The following DCX variants were observed in gnomAD, a reference collection of about 807,000 sequenced individuals.
DCX encodes the protein doublecortin.
A neutral mutation model predicts 20.9 loss-of-function variants in DCX; 4 were observed. The observed-to-expected ratio is 0.19, with a 90% CI of 0.09 to 0.44. The LOEUF (loss-of-function observed/expected upper bound fraction) is 0.44. Ranked by LOEUF, DCX falls within the 20% of genes least tolerant of loss-of-function variation. The pLI is 0.99. For synonymous variants in DCX, 103 were observed against 111.4 expected (o/e 0.92, Z 0.47); for missense variants, 133 against 296.9 (o/e 0.45, Z 4.06).
At chrX:111,370,193 C>G (rs889701111) in intron 3 of DCX, among the ~76,000 whole-genome samples, 1 of 111,659 alleles carries the variant, frequency 9.0e-6, no homozygotes, top group African/African-American at 3.3e-5. Flanking sequence ...TTACAAGAAA[C>G]ACATTAATAT....
chrX:111,331,614 T>TG (rs1921254217), intron 4 of DCX, among the ~76,000 whole-genome samples: 1 of 112,117 alleles, frequency 8.9e-6, no homozygotes, highest in Admixed American at 9.4e-5. Flanking sequence ...CCATCCCTTA[T>TG]GGGGGGTTAA....
At chrX:111,387,618 C>T in intron 3 of DCX, among the ~76,000 whole-genome samples, 1 of 112,176 alleles carries the variant, frequency 8.9e-6, no homozygotes, top group Non-Finnish European at 1.9e-5. Context: ...ATTAAATAAA[C>T]TGTGGAGGCA....
chrX:111,404,625 G>A (rs1928070611), intron 2 of DCX, among the ~76,000 whole-genome samples: 1 of 111,875 alleles, frequency 8.9e-6, no homozygotes, highest in African/African-American at 3.2e-5. Context: ...TAATGCACTA[G>A]GTGACACCTG....
intron 5 of DCX, among the ~76,000 whole-genome samples, chrX:111,325,190 C>T (rs2095096746): frequency 9.0e-6 from 1 of 111,325 alleles, no homozygotes; most frequent in East Asian, 2.8e-4. Context: ...AAGGAAATGA[C>T]ACAGACACCA....
chrX:111,363,934 G>C (rs773582121), intron 3 of DCX, among the ~76,000 whole-genome samples: 2 of 111,732 alleles, frequency 1.8e-5, no homozygotes, highest in Non-Finnish European at 3.8e-5. Flanking sequence ...TGCCTTTCAT[G>C]GTCCTTTATG....
At chrX:111,408,555 C>A (rs1302387200) in intron 2 of DCX, among the ~76,000 whole-genome samples, 1 of 107,269 alleles carries the variant, frequency 9.3e-6, no homozygotes, top group African/African-American at 3.4e-5. Context: ...GAGCCAAGAT[C>A]ATGCCATTGC....
intron 5 of DCX, among the ~76,000 whole-genome samples, chrX:111,317,348 G>A (rs1489460076): frequency 9.0e-6 from 1 of 111,347 alleles, no homozygotes; most frequent in Non-Finnish European, 1.9e-5. Context: ...TTTAATAAAT[G>A]GTGCTAGGAT....
At chrX:111,304,339 A>C (rs1272813452) in intron 6 of DCX, among the ~76,000 whole-genome samples, 1 of 112,400 alleles carries the variant, frequency 8.9e-6, no homozygotes, top group African/African-American at 3.2e-5. Context: ...AAAATCAACC[A>C]AAAGCTTGCA....
chrX:111,329,226 T>A (rs1459477488), intron 5 of DCX, among the ~76,000 whole-genome samples: 1 of 112,403 alleles, frequency 8.9e-6, no homozygotes, highest in Non-Finnish European at 1.9e-5. Context: ...TATAGATTTA[T>A]GTGCTCTTCT....
chrX:111,389,627 A>G (rs910594209), intron 3 of DCX, among the ~76,000 whole-genome samples: 2 of 111,861 alleles, frequency 1.8e-5, no homozygotes, highest in African/African-American at 6.5e-5. Flanking sequence ...CTAAAGTGGA[A>G]GGATCACTTG....
chrX:111,394,103 T>C (rs1927152859), intron 3 of DCX, among the ~76,000 whole-genome samples: 1 of 112,177 alleles, frequency 8.9e-6, no homozygotes, highest in Admixed American at 9.5e-5. Context: ...TGTCCATTAA[T>C]AGATAAATGA....
chrX:111,410,494 G>A, intron 1 of DCX, 74 bp from the exon 2 acceptor site: 1 of 1,162,912 alleles, frequency 8.6e-7, no homozygotes, highest in Non-Finnish European at 1.2e-6. Context: ...AAAAAAGAAG[G>A]GATTTTAAAT....
chrX:111,315,227 T>A (rs765545660), intron 5 of DCX, among the ~76,000 whole-genome samples: 2 of 102,818 alleles, frequency 1.9e-5, no homozygotes, highest in Admixed American at 1.1e-4. Context: ...CAAACAAATT[T>A]ACAAGAAAAA....
At chrX:111,357,277 C>G (rs769870620) in intron 3 of DCX, among the ~76,000 whole-genome samples, 1 of 111,427 alleles carries the variant, frequency 9.0e-6, no homozygotes, top group Admixed American at 9.5e-5. Context: ...AACTATGTAA[C>G]CTTGGTAAGT....
intron 3 of DCX, among the ~76,000 whole-genome samples, chrX:111,384,315 T>G (rs1273590329): frequency 1.8e-5 from 2 of 111,526 alleles, no homozygotes; most frequent in Admixed American, 1.9e-4. Flanking sequence ...TTTTAGTACT[T>G]ACTAATTATT....
chrX:111,297,349 C>T lies in DCX; in HGVS notation c.*4338G>A, dbSNP rs1273674844. ...AGCTCATTTTGGGGATATAGGCATC[C>T]TGTTCTCTTGTCCTAGGGATATGGA... On this transcript the variant is annotated 3_prime_UTR_variant, in exon 7 of 7. Coordinates refer to ENST00000636035, the MANE Select transcript of DCX (RefSeq NM_001195553.2). 9.0e-6 allele frequency: 1 copy of T among 111,533 alleles called. No homozygotes were observed. The highest frequency in any genetic ancestry group is 1.9e-5 in the Non-Finnish European group (1 of 53,113). 9.2% of individuals were successfully genotyped at this position (111,533 alleles called of 1,213,427 possible). A position where few individuals can be genotyped will look rare whatever the true frequency, so the allele number is the denominator to read the frequency against.
chrX:111,319,456 C>G (rs2095081482), intron 5 of DCX, among the ~76,000 whole-genome samples: 1 of 111,393 alleles, frequency 9.0e-6, no homozygotes, highest in African/African-American at 3.3e-5. Flanking sequence ...ATACAACCAC[C>G]CAAAGAACAT....
rs1469800981 is a variant in DCX, at chrX:111,296,322, C to A, written c.*5365G>T. The A allele has an allele frequency of 8.9e-6, 1 of 112,008 alleles. No homozygotes were observed. Among genetic ancestry groups the A allele is most frequent in the Non-Finnish European group, 1.9e-5 (1 of 53,257 alleles). The allele number at this position is 112,008 out of a possible 1,213,427, so 9.2% of individuals were successfully genotyped here. A position where few individuals can be genotyped will look rare whatever the true frequency, so the allele number is the denominator to read the frequency against. The stretch of plus-strand genomic sequence containing the variant: ...CATCTGACCTCTCCCAACTAACCTG[C>A]CCTTCTGATCAGGAGCAGAAAGATG... On this transcript the variant is annotated 3_prime_UTR_variant, in exon 7 of 7. Coordinates refer to ENST00000636035, the MANE Select transcript of DCX (RefSeq NM_001195553.2).
chrX:111,385,821 GAAGGA>G lies in DCX; in HGVS notation c.705+15164_705+15168del, dbSNP rs1926449443. Reference sequence around the variant, plus strand: ...GGAAGGAAGGAAGGAAGGAAGGAAGGAAGGAAGGAAGGAAGGAAGGAAGGGAAATC... The same window carrying G: ...GGAAGGAAGGAAGGAAGGAAGGAAGGAGGAAGGAAGGAAGGAAGGGAAATC... On this transcript the variant is annotated intron_variant, in intron 3 of 6. Transcript: ENST00000636035. Among the ~76,000 whole-genome samples, 5 of 105,710 alleles carry G rather than the reference GAAGGA, an allele frequency of 4.7e-5. No individual in the cohort carries two copies. In the Admixed American group the frequency reaches 5.1e-4, roughly 11 times the overall value. The allele number at this position is 105,710 out of a possible 115,157, so 91.8% of individuals were successfully genotyped here. A position where few individuals can be genotyped will look rare whatever the true frequency, so the allele number is the denominator to read the frequency against.
Sources: gnomAD v4.1 joint callset for allele counts (sites outside exome capture counted in the v4.1 genomes callset) on GRCh38, gnomAD v4.1.1 for gene constraint, MANE v1.5 for transcripts, NCBI Gene and HGNC (gene_info 2026-07-23, HGNC 2026-07-21) for gene names.